Variants in ARHGAP26 observed in about 807,000 individuals in gnomAD.
ARHGAP26 encodes rho GTPase-activating protein 26.
Under a neutral mutation model 104.8 loss-of-function variants are expected in ARHGAP26, and 38 were observed. That is an observed-to-expected ratio of 0.36 (90% confidence interval 0.28 to 0.48). The LOEUF (loss-of-function observed/expected upper bound fraction) is 0.48. ARHGAP26 is among the 20% of genes least tolerant of loss of function. The pLI is 0.99. For missense variants in ARHGAP26, 704 were observed against 947.9 expected, an observed-to-expected ratio of 0.74 and a Z score of 3.38; for synonymous variants, 341 against 340.0, an observed-to-expected ratio of 1.00 and a Z score of -0.03.
chr5:143,096,468 G>A (rs771084911), intron 17 of ARHGAP26, among the ~76,000 whole-genome samples: 1 of 152,116 alleles, frequency 6.6e-6, no homozygotes, highest in Non-Finnish European at 1.5e-5. Flanking sequence ...ACCATATTTT[G>A]TCTGTCAGTT....
At chr5:142,898,175 T>TACAC (rs10571226) in intron 6 of ARHGAP26, among the ~76,000 whole-genome samples, 3 of 149,720 alleles carry the variant, frequency 2.0e-5, no homozygotes, top group Non-Finnish European at 3.0e-5. Context: ...CACACACACA[T>TACAC]ACACACACAC....
chr5:142,840,428 T>G (rs141373215), intron 1 of ARHGAP26, among the ~76,000 whole-genome samples: 6 of 152,314 alleles, frequency 3.9e-5, no homozygotes, highest in African/African-American at 1.2e-4. Flanking sequence ...AATCACTGTT[T>G]TTGTTGTTGT....
chr5:143,118,052 C>T (rs1205308814), intron 17 of ARHGAP26, among the ~76,000 whole-genome samples: 1 of 152,138 alleles, frequency 6.6e-6, no homozygotes, highest in Non-Finnish European at 1.5e-5. Flanking sequence ...AACACTTCTG[C>T]CTTCACTGGG....
At chr5:143,147,417 CTTTGGTCAGCCATTCCACCTAGAA>C (rs1441531377) in intron 20 of ARHGAP26, 36 bp downstream of exon 20, 1 of 1,594,008 alleles carries the variant, frequency 6.3e-7, no homozygotes, top group Non-Finnish European at 8.5e-7. Flanking sequence ...CCCACAAGGG[CTTTGGTCAGCCATTCCACCTAGAA>C]TTTGCTGTCT....
At chr5:142,817,110 A>G (rs1437352258) in intron 1 of ARHGAP26, among the ~76,000 whole-genome samples, 1 of 152,180 alleles carries the variant, frequency 6.6e-6, no homozygotes, top group African/African-American at 2.4e-5. Flanking sequence ...AAATTAAGGA[A>G]CTGGAAAACA....
At chr5:143,176,442 T>A (rs1344193494) in intron 20 of ARHGAP26, among the ~76,000 whole-genome samples, 1 of 152,202 alleles carries the variant, frequency 6.6e-6, no homozygotes, top group Non-Finnish European at 1.5e-5. Context: ...GGCAGAATAG[T>A]GACTCCCAAG....
intron 12 of ARHGAP26, among the ~76,000 whole-genome samples, chr5:143,031,058 G>C (rs966825768): frequency 6.6e-6 from 1 of 152,242 alleles, no homozygotes; most frequent in Non-Finnish European, 1.5e-5. Context: ...TGAGGGTAAT[G>C]TGAGTTGGGA....
chr5:142,927,646 G>A (rs923855110), intron 10 of ARHGAP26, among the ~76,000 whole-genome samples: 5 of 152,130 alleles, frequency 3.3e-5, no homozygotes, highest in Non-Finnish European at 5.9e-5. Flanking sequence ...TCCTGAATGC[G>A]TCTTTTGGTG....
chr5:143,096,220 A>C (rs1164577289), intron 17 of ARHGAP26, among the ~76,000 whole-genome samples: 1 of 152,246 alleles, frequency 6.6e-6, no homozygotes, highest in African/African-American at 2.4e-5. Flanking sequence ...CAATGCAAAC[A>C]TATTACATCA....
intron 5 of ARHGAP26, among the ~76,000 whole-genome samples, chr5:142,889,551 G>C (rs1562021760): frequency 6.6e-6 from 1 of 152,170 alleles, no homozygotes; most frequent in Non-Finnish European, 1.5e-5. Flanking sequence ...CCAGGAGGCG[G>C]AGTTTGCAGT....
At chr5:142,784,911 C>T (rs1282758737) in intron 1 of ARHGAP26, among the ~76,000 whole-genome samples, 1 of 151,214 alleles carries the variant, frequency 6.6e-6, no homozygotes, top group Non-Finnish European at 1.5e-5. Context: ...CCTAGGCAAC[C>T]ACTTCCTTAG....
intron 17 of ARHGAP26, among the ~76,000 whole-genome samples, chr5:143,074,144 C>A (rs1001964418): frequency 1.3e-5 from 2 of 151,884 alleles, no homozygotes; most frequent in Non-Finnish European, 2.9e-5. Flanking sequence ...TTTAAGTACA[C>A]CAATTTTTTT....
In ARHGAP26 at chr5:142,823,424, A is replaced by G. The variant is rs118104082; in HGVS notation, c.155-49976A>G. Among the ~76,000 whole-genome samples the G allele has an allele frequency of 5.6e-3, 855 of 152,084 alleles. 18 individuals are homozygous for G. In the East Asian group the frequency reaches 0.064, roughly 11 times the overall value. The stretch of plus-strand genomic sequence containing the variant: ...TTTTTTTCTTTCTCTTCTTCCCTGC[A>G]GAAATAAAGCCACAGACATCTGAAT... On this transcript the variant is annotated intron_variant, in intron 1 of 22. Transcript: ENST00000645722.
At chr5:143,079,745 C>G (rs1485337505) in intron 17 of ARHGAP26, among the ~76,000 whole-genome samples, 2 of 152,156 alleles carry the variant, frequency 1.3e-5, no homozygotes, top group African/African-American at 2.4e-5. Flanking sequence ...TTCCCTATAG[C>G]CTTAGCATGG....
chr5:142,974,558 T>A (rs1366949007), intron 11 of ARHGAP26, among the ~76,000 whole-genome samples: 1 of 152,200 alleles, frequency 6.6e-6, no homozygotes, highest in Non-Finnish European at 1.5e-5. Context: ...TACAACGTGT[T>A]TTTTCTGAAC....
chr5:142,894,271 T>A lies in ARHGAP26; in HGVS notation c.520T>A (p.Phe174Ile). 6.2e-7 allele frequency: 1 copy of A among 1,614,088 alleles called. No homozygotes were observed. Among genetic ancestry groups the A allele is most frequent in the Non-Finnish European group, 8.5e-7 (1 of 1,179,974 alleles). ...CCAAGTGGACCTGGTCCGGCAGCATTTCTATGAAGTATCCCTGGAATATGT... is the reference window on the plus strand; with the variant it reads ...CCAAGTGGACCTGGTCCGGCAGCATATCTATGAAGTATCCCTGGAATATGT... Reference protein sequence around the residue: ...DSQVDLVRQHFYEVSLEYVFK... With the variant: ...DSQVDLVRQHIYEVSLEYVFK... Residue 174 changes from phenylalanine to isoleucine, a missense_variant, in exon 6 of 23, where the codon TTC becomes ATC. Phe to Ile is a conservative substitution (Grantham distance 21). Transcript: ENST00000645722.
intron 11 of ARHGAP26, among the ~76,000 whole-genome samples, chr5:142,986,780 G>A (rs1025508425): frequency 6.6e-6 from 1 of 152,132 alleles, no homozygotes; most frequent in Non-Finnish European, 1.5e-5. Context: ...CCCATTGCTT[G>A]TTTTTCTCAG....
chr5:142,897,934 G>A (rs1759709016), intron 6 of ARHGAP26, among the ~76,000 whole-genome samples: 1 of 152,148 alleles, frequency 6.6e-6, no homozygotes, highest in Admixed American at 6.5e-5. Context: ...CTAAATTGCT[G>A]GAGTGGGTAT....
intron 1 of ARHGAP26, among the ~76,000 whole-genome samples, chr5:142,806,102 G>C (rs1320536621): frequency 6.6e-6 from 1 of 152,112 alleles, no homozygotes; most frequent in Non-Finnish European, 1.5e-5. Flanking sequence ...ACTTTTTGTT[G>C]TTGTTGTCGG....
Sources: gnomAD v4.1 joint callset for allele counts (sites outside exome capture counted in the v4.1 genomes callset) on GRCh38, gnomAD v4.1.1 for gene constraint, MANE v1.5 for transcripts, NCBI Gene and HGNC (gene_info 2026-07-23, HGNC 2026-07-21) for gene names.